The following CDKAL1 variants were observed in gnomAD, a reference collection of about 807,000 sequenced individuals.
CDKAL1 encodes threonylcarbamoyladenosine tRNA methylthiotransferase.
A neutral mutation model predicts 68.2 loss-of-function variants in CDKAL1; 32 were observed. The observed-to-expected ratio is 0.47, with a 90% CI of 0.35 to 0.63. The LOEUF (loss-of-function observed/expected upper bound fraction) is 0.63, where lower values mean the gene tolerates loss of function less well. Among genes scored for constraint, CDKAL1 ranks in the 30% least tolerant of loss-of-function variants. The probability of loss-of-function intolerance (pLI) is 0.00; values close to 1 mark genes in which losing one functional copy is unlikely to be tolerated. For synonymous variants in CDKAL1, 234 were observed against 244.3 expected (o/e 0.96, Z 0.39); for missense variants, 606 against 696.7 (o/e 0.87, Z 1.47).
intron 4 of CDKAL1, among the ~76,000 whole-genome samples, chr6:20,585,961 C>A (rs982159931): frequency 6.6e-6 from 1 of 152,106 alleles, no homozygotes; most frequent in African/African-American, 2.4e-5. Context: ...CTAATCTCCC[C>A]CACAAATCTG....
chr6:21,048,366 A>T (rs1770360892), intron 11 of CDKAL1, among the ~76,000 whole-genome samples: 1 of 152,198 alleles, frequency 6.6e-6, no homozygotes, highest in Admixed American at 6.5e-5. Context: ...ACAATAAAAC[A>T]CAATAAGAAA....
intron 12 of CDKAL1, among the ~76,000 whole-genome samples, chr6:21,089,749 A>G (rs1021996122): frequency 2.0e-5 from 3 of 152,222 alleles, no homozygotes; most frequent in African/African-American, 7.2e-5. Flanking sequence ...GAAGACTTGT[A>G]GGAAATGAAG....
chr6:20,807,513 A>G (rs1581618462), intron 8 of CDKAL1, among the ~76,000 whole-genome samples: 2 of 152,144 alleles, frequency 1.3e-5, no homozygotes, highest in South Asian at 2.1e-4. Flanking sequence ...AAGCCACTGT[A>G]CCCGGCCTGA....
chr6:21,214,199 C>T (rs1426381195), intron 15 of CDKAL1, among the ~76,000 whole-genome samples: 2 of 152,046 alleles, frequency 1.3e-5, no homozygotes, highest in African/African-American at 4.8e-5. Context: ...TTAAGGGTTA[C>T]AGAGTTTCTG....
chr6:21,221,044 G>A (rs1779521591), intron 15 of CDKAL1, among the ~76,000 whole-genome samples: 1 of 152,002 alleles, frequency 6.6e-6, no homozygotes, highest in African/African-American at 2.4e-5. Context: ...GCACATGCCT[G>A]TAATCCCAGC....
Position 21,198,023 on chromosome 6 carries a change from T to C in CDKAL1, c.1302T>C (p.Ile434=), listed in dbSNP as rs1778539095. The part of the protein sequence containing the change: ...FHSYSPYDHK[I]GERQQVLVTE... The stretch of plus-strand genomic sequence containing the variant: ...TTTCCCTCCCCTTCTCTCCACAGAT[T>C]GGTGAAAGACAACAAGTGTTAGTAA... Residue 434 remains isoleucine (I), a splice_region_variant and synonymous_variant, in exon 14 of 16, where the codon ATT becomes ATC. Coordinates refer to ENST00000274695, the MANE Select transcript of CDKAL1 (RefSeq NM_017774.3). The C allele has an allele frequency of 6.3e-7, 1 of 1,593,062 alleles. No homozygotes were observed. The highest frequency in any genetic ancestry group is 1.7e-5 in the Admixed American group (1 of 58,578).
intron 13 of CDKAL1, among the ~76,000 whole-genome samples, chr6:21,151,129 G>A (rs1776393344): frequency 6.6e-6 from 1 of 152,198 alleles, no homozygotes; most frequent in Non-Finnish European, 1.5e-5. Context: ...TTTATTAGGG[G>A]TAGGAGTATG....
intron 9 of CDKAL1, among the ~76,000 whole-genome samples, chr6:20,899,719 T>C (rs1384958580): frequency 6.6e-6 from 1 of 152,140 alleles, no homozygotes; most frequent in Non-Finnish European, 1.5e-5. Context: ...GGCCCATGCC[T>C]ATAATCCCAG....
intron 9 of CDKAL1, among the ~76,000 whole-genome samples, chr6:20,931,201 T>C (rs1763438008): frequency 6.6e-6 from 1 of 152,214 alleles, no homozygotes; most frequent in African/African-American, 2.4e-5. Flanking sequence ...ATATGGGATG[T>C]ACATTTAATG....
intron 5 of CDKAL1, among the ~76,000 whole-genome samples, chr6:20,691,422 C>T (rs958230910): frequency 1.3e-5 from 2 of 151,850 alleles, no homozygotes; most frequent in Non-Finnish European, 2.9e-5. Flanking sequence ...TGGTCTGAGG[C>T]AAGGCGAGCA....
chr6:20,897,037 G>A (rs1318751864), intron 9 of CDKAL1, among the ~76,000 whole-genome samples: 1 of 152,162 alleles, frequency 6.6e-6, no homozygotes, highest in East Asian at 1.9e-4. Flanking sequence ...TCTGGAGGCT[G>A]GGAAATCTAA....
chr6:20,756,883 C>CCTTT (rs1561750321), intron 6 of CDKAL1: 45 of 83,614 alleles, frequency 5.4e-4, no homozygotes, highest in African/African-American at 2.0e-3. Context: ...TTCCTTCCTT[C>CCTTT]CTTCCTTCCT....
At chr6:21,196,115 T>TA (rs1778461518) in intron 13 of CDKAL1, among the ~76,000 whole-genome samples, 1 of 152,208 alleles carries the variant, frequency 6.6e-6, no homozygotes, top group Admixed American at 6.5e-5. Context: ...TGATGGGCCT[T>TA]ACTCTCCACG....
At chr6:20,575,264 A>G (rs939787250) in intron 4 of CDKAL1, among the ~76,000 whole-genome samples, 2 of 152,076 alleles carry the variant, frequency 1.3e-5, no homozygotes, top group Non-Finnish European at 2.9e-5. Flanking sequence ...CAGTAAGAAA[A>G]AAGCAGTTTG....
chr6:20,826,993 T>G (rs981427220), intron 8 of CDKAL1, among the ~76,000 whole-genome samples: 1 of 152,210 alleles, frequency 6.6e-6, no homozygotes, highest in East Asian at 1.9e-4. Flanking sequence ...AATTACACTC[T>G]TCTAGCACAG....
In CDKAL1 at chr6:21,203,215, A is replaced by ATTTT. The variant is rs371165972; in HGVS notation, c.1548+1975_1548+1978dup. Reference sequence around the variant, plus strand: ...TAGGCATGCACCACCATCCTGGCTAATTTTTTTTTTTTTTTTTTTTTTTTT... The same window carrying ATTTT: ...TAGGCATGCACCACCATCCTGGCTAATTTTTTTTTTTTTTTTTTTTTTTTTTTTT... On this transcript the variant is annotated intron_variant, in intron 15 of 15. Coordinates refer to ENST00000274695, the MANE Select transcript of CDKAL1 (RefSeq NM_017774.3). Among the ~76,000 whole-genome samples, 172 of 47,120 alleles carry ATTTT rather than the reference A, an allele frequency of 3.7e-3. 33 individuals are homozygous for ATTTT. Among genetic ancestry groups the ATTTT allele is most frequent in the African/African-American group, 5.9e-3 (67 of 11,368 alleles). The allele number at this position is 47,120 out of a possible 152,430, so 30.9% of individuals were successfully genotyped here.
intron 13 of CDKAL1, among the ~76,000 whole-genome samples, chr6:21,172,060 T>C (rs1382811530): frequency 3.3e-5 from 5 of 152,176 alleles, no homozygotes; most frequent in Admixed American, 3.3e-4. Flanking sequence ...CTGATACATA[T>C]GCAGATTTTC....
At chr6:20,545,073 C>T (rs965438047) in intron 2 of CDKAL1, among the ~76,000 whole-genome samples, 1 of 151,720 alleles carries the variant, frequency 6.6e-6, no homozygotes, top group African/African-American at 2.4e-5. Flanking sequence ...AGTTCTTTAA[C>T]GAGAAAGCAG....
intron 5 of CDKAL1, among the ~76,000 whole-genome samples, chr6:20,662,345 A>T (rs1769323777): frequency 6.6e-6 from 1 of 152,150 alleles, no homozygotes; most frequent in Non-Finnish European, 1.5e-5. Context: ...TAAGGCATAG[A>T]TTGCTATGAT....
Sources: gnomAD v4.1 joint callset for allele counts (sites outside exome capture counted in the v4.1 genomes callset) on GRCh38, gnomAD v4.1.1 for gene constraint, MANE v1.5 for transcripts, NCBI Gene and HGNC (gene_info 2026-07-23, HGNC 2026-07-21) for gene names.